PLCB1: variants seen among roughly 807,000 people sequenced by gnomAD.
PLCB1 encodes 1-phosphatidylinositol 4,5-bisphosphate phosphodiesterase beta-1.
Under a neutral mutation model 161.8 loss-of-function variants are expected in PLCB1, and 46 were observed. The ratio of observed to expected loss-of-function variants is 0.28; its 90% confidence interval spans 0.22 to 0.36. The LOEUF (loss-of-function observed/expected upper bound fraction) is 0.36. Among genes scored for constraint, PLCB1 ranks in the 10% least tolerant of loss-of-function variants. The pLI is 1.00. For synonymous variants in PLCB1, 517 were observed against 503.7 expected (o/e 1.03, Z -0.35); for missense variants, 1,016 against 1,472.5 (o/e 0.69, Z 5.07).
chr20:8,388,509 AAAG>A (rs1352167176), intron 3 of PLCB1, among the ~76,000 whole-genome samples: 1 of 152,210 alleles, frequency 6.6e-6, no homozygotes, highest in Non-Finnish European at 1.5e-5. Context: ...GAGGTTTAGG[AAAG>A]AAGAAGAAAA....
chr20:8,474,512 GA>G (rs1283662714), intron 3 of PLCB1, among the ~76,000 whole-genome samples: 1 of 152,152 alleles, frequency 6.6e-6, no homozygotes, highest in East Asian at 1.9e-4. Context: ...AAACATGAAT[GA>G]GGGGTAGAGT....
At chr20:8,808,264 G>A (rs949637398) in intron 31 of PLCB1, among the ~76,000 whole-genome samples, 10 of 152,130 alleles carry the variant, frequency 6.6e-5, no homozygotes, top group South Asian at 2.1e-4. Flanking sequence ...CAAGGTGCCC[G>A]CGAGATTCGT....
At chr20:8,862,540 T>G (rs1223430030) in intron 31 of PLCB1, among the ~76,000 whole-genome samples, 1 of 152,196 alleles carries the variant, frequency 6.6e-6, no homozygotes, top group Non-Finnish European at 1.5e-5. Context: ...ATATTCAAAC[T>G]TACTTGGATT....
In PLCB1 at chr20:8,318,985, A is replaced by C. The variant is rs370810982; in HGVS notation, c.178-52397A>C. Among the ~76,000 whole-genome samples, 227 of 152,116 alleles carry C rather than the reference A, an allele frequency of 1.5e-3. 1 individual carries two copies. Among genetic ancestry groups the C allele is most frequent in the African/African-American group, 5.3e-3 (222 of 41,496 alleles). On this transcript the variant is annotated intron_variant, in intron 2 of 31. Transcript: ENST00000338037. ...GCCCTTCCAACAGCTAATTCCTTCC[A>C]CTGCCACTTAAAGTAGTCTGTGTTT...
Position 8,521,031 on chromosome 20 carries a change from G to C in PLCB1, c.247-107263G>C, listed in dbSNP as rs185501858. Among the ~76,000 whole-genome samples, 14 of 152,192 alleles carry C rather than the reference G, an allele frequency of 9.2e-5. No individual in the cohort carries two copies. The East Asian group carries it at 2.3e-3, about 25-fold the overall frequency. On this transcript the variant is annotated intron_variant, in intron 3 of 31. Coordinates refer to ENST00000338037, the MANE Select transcript of PLCB1 (RefSeq NM_015192.4). Reference sequence around the variant, plus strand: ...TATAGAAATAAAATCACAGGCAATAGCAGATATATCTAAGCTTCTTATAGA... The same window carrying C: ...TATAGAAATAAAATCACAGGCAATACCAGATATATCTAAGCTTCTTATAGA...
intron 31 of PLCB1, among the ~76,000 whole-genome samples, chr20:8,813,731 T>C (rs1240100355): frequency 6.6e-6 from 1 of 152,140 alleles, no homozygotes; most frequent in Non-Finnish European, 1.5e-5. Context: ...CTGAGGAGGC[T>C]GAGGCGGGAG....
intron 2 of PLCB1, among the ~76,000 whole-genome samples, chr20:8,367,589 T>C (rs112843392): frequency 3.5e-4 from 53 of 152,300 alleles, no homozygotes; most frequent in African/African-American, 1.3e-3. Context: ...TTTAAGGTCC[T>C]CACTCAAACC....
intron 3 of PLCB1, among the ~76,000 whole-genome samples, chr20:8,507,961 A>G (rs1983708843): frequency 6.6e-6 from 1 of 152,154 alleles, no homozygotes; most frequent in Admixed American, 6.5e-5. Flanking sequence ...TATCCAAATT[A>G]GGCTTTTGCA....
At chr20:8,255,852 G>A (rs1450670949) in intron 2 of PLCB1, among the ~76,000 whole-genome samples, 1 of 152,020 alleles carries the variant, frequency 6.6e-6, no homozygotes, top group Non-Finnish European at 1.5e-5. Context: ...CCATAATGAC[G>A]TTTCAATCAG....
chr20:8,139,869 A>G (rs574230410), intron 1 of PLCB1, among the ~76,000 whole-genome samples: 1 of 152,156 alleles, frequency 6.6e-6, no homozygotes, highest in South Asian at 2.1e-4. Flanking sequence ...CATTTACCAG[A>G]CTCCTTTTTG....
intron 18 of PLCB1, among the ~76,000 whole-genome samples, chr20:8,730,520 G>A (rs963080508): frequency 4.6e-5 from 7 of 151,686 alleles, no homozygotes; most frequent in Non-Finnish European, 1.0e-4. Context: ...ATACCTGGAA[G>A]TGGTGATTCT....
chr20:8,850,822 A>T (rs981484613), intron 31 of PLCB1, among the ~76,000 whole-genome samples: 12 of 152,222 alleles, frequency 7.9e-5, no homozygotes, highest in Non-Finnish European at 1.5e-5. Context: ...TCTATTAATT[A>T]TAAATTACCT....
At chr20:8,134,730 C>T (rs907179271) in intron 1 of PLCB1, among the ~76,000 whole-genome samples, 9 of 151,956 alleles carry the variant, frequency 5.9e-5, no homozygotes, top group South Asian at 2.1e-4. Context: ...ATAGAGAGGA[C>T]GTTAGTGAAA....
chr20:8,585,286 C>T (rs1189299768), intron 3 of PLCB1, among the ~76,000 whole-genome samples: 1 of 152,156 alleles, frequency 6.6e-6, no homozygotes, highest in Non-Finnish European at 1.5e-5. Flanking sequence ...GTCCTGGAGC[C>T]AGAGCCACCA....
At chr20:8,426,792 C>T (rs1373622079) in intron 3 of PLCB1, among the ~76,000 whole-genome samples, 2 of 152,016 alleles carry the variant, frequency 1.3e-5, no homozygotes, top group Non-Finnish European at 2.9e-5. Flanking sequence ...AACATCGTGT[C>T]ATAAACCTCA....
rs1156485610 is a variant in PLCB1 at position 8,882,192 on chromosome 20, G to A, written c.*343G>A. On this transcript the variant is annotated 3_prime_UTR_variant, in exon 32 of 32. Coordinates refer to ENST00000338037, the MANE Select transcript of PLCB1 (RefSeq NM_015192.4). ...GAAAATCAAGCTCGTGTTTTTATTCGAAGCTCTGGTGTAAAATATTTCAAA... is the reference window on the plus strand; with the variant it reads ...GAAAATCAAGCTCGTGTTTTTATTCAAAGCTCTGGTGTAAAATATTTCAAA... 1.7e-5 allele frequency: 4 copies of A among 240,942 alleles called. No individual in the cohort carries two copies. Among genetic ancestry groups the A allele is most frequent in the East Asian group, 1.9e-4 (2 of 10,672 alleles). The allele number at this position is 240,942 out of a possible 1,614,324, so 14.9% of individuals were successfully genotyped here.
At chr20:8,733,836 G>A (rs181558694) in intron 19 of PLCB1, among the ~76,000 whole-genome samples, 2 of 148,178 alleles carry the variant, frequency 1.3e-5, no homozygotes, top group African/African-American at 4.9e-5. Flanking sequence ...AAAAGTTTTG[G>A]TAGGGTCGGG....
intron 31 of PLCB1, among the ~76,000 whole-genome samples, chr20:8,796,838 A>G (rs989305608): frequency 1.2e-4 from 18 of 152,178 alleles, no homozygotes; most frequent in African/African-American, 3.6e-4. Flanking sequence ...ACATTATTCT[A>G]TGTTTTGATC....
At chr20:8,417,530 G>T (rs1158066654) in intron 3 of PLCB1, among the ~76,000 whole-genome samples, 2 of 151,624 alleles carry the variant, frequency 1.3e-5, no homozygotes, top group African/African-American at 4.9e-5. Context: ...TATTTGCATT[G>T]GTCGAGTGCC....
Sources: allele counts gnomAD v4.1 joint callset (sites outside exome capture counted in the v4.1 genomes callset), GRCh38; gene constraint gnomAD v4.1.1; transcripts MANE v1.5; gene names NCBI Gene and HGNC (gene_info 2026-07-23, HGNC 2026-07-21).